The following DDI1 variants were observed in gnomAD, a reference collection of about 807,000 sequenced individuals.
DDI1 encodes protein DDI1 homolog 1.
Under a neutral mutation model 7.2 loss-of-function variants are expected in DDI1, and 6 were observed. That is an observed-to-expected ratio of 0.83 (90% CI 0.46 to 1.64). DDI1 has a LOEUF of 1.64. DDI1 is among the 40% of genes most tolerant of loss of function. The pLI is 0.01. For missense variants in DDI1, 502 were observed against 516.6 expected (o/e 0.97, Z 0.27); for synonymous variants, 221 against 201.7 (o/e 1.10, Z -0.81).
At position 104,036,757 on chromosome 11, in the gene DDI1, G is replaced by T; in HGVS notation, c.-66G>T. The T allele has an allele frequency of 7.5e-7, 1 of 1,326,316 alleles. No homozygotes were observed. Among genetic ancestry groups the T allele is most frequent in the Non-Finnish European group, 1.1e-6 (1 of 941,516 alleles). 82.2% of individuals were successfully genotyped at this position (1,326,316 alleles called of 1,614,324 possible). ...AGGAGCAGCGGCACCAACGACGCAG[G>T]CCCGCCCCAGCCCGCCAGTGAGCCG... On this transcript the variant is annotated 5_prime_UTR_variant, in exon 1 of 1. Coordinates refer to ENST00000302259, the MANE Select transcript of DDI1 (RefSeq NM_001001711.3).
chr11:104,038,193 TC>T lies in DDI1; in HGVS notation c.*182del. On this transcript the variant is annotated 3_prime_UTR_variant, in exon 1 of 1. Coordinates refer to ENST00000302259, the MANE Select transcript of DDI1 (RefSeq NM_001001711.3). ...CTGATTCCTTGGTCTTGGTCCCTCTTCCATTTCCCTTGTCCAGAGATCACTG... is the reference window on the plus strand; with the variant it reads ...CTGATTCCTTGGTCTTGGTCCCTCTTCATTTCCCTTGTCCAGAGATCACTG... The T allele has an allele frequency of 3.1e-6, 2 of 654,792 alleles. No individual in the cohort carries two copies. The highest frequency in any genetic ancestry group is 4.3e-5 in the South Asian group (2 of 46,232). 40.6% of individuals were successfully genotyped at this position (654,792 alleles called of 1,614,324 possible). A position where few individuals can be genotyped will look rare whatever the true frequency, so the allele number is the denominator to read the frequency against.
rs1013907386 is a variant in DDI1, at chr11:104,036,678, C to T, written c.-145C>T. The T allele has an allele frequency of 7.5e-6, 5 of 669,846 alleles. No individual in the cohort carries two copies. The highest frequency in any genetic ancestry group is 1.8e-5 in the African/African-American group (1 of 55,532). The allele number at this position is 669,846 out of a possible 1,614,324, so 41.5% of individuals were successfully genotyped here. On this transcript the variant is annotated 5_prime_UTR_variant, in exon 1 of 1. Transcript: ENST00000302259. ...GACAGCCCCCAGACAGATGAGTGTC[C>T]GCGCCTCTCTGAGAGGTGAATGAGC...
Position 104,037,026 on chromosome 11 carries a change from T to C in DDI1, c.204T>C (p.Asp68=). 2.5e-6 allele frequency: 4 copies of C among 1,614,230 alleles called. No homozygotes were observed. Among genetic ancestry groups the C allele is most frequent in the Non-Finnish European group, 3.4e-6 (4 of 1,180,038 alleles). The change falls in exon 1 of 1, where the codon GAT becomes GAC. Residue 68 remains aspartate (D), a synonymous_variant. Transcript: ENST00000302259. ...CCCTGGGCTCCTACGGCCTCAAAGA[T>C]GGCGATATCGTGGTTTTACTGCAGA... The part of the protein sequence containing the change: ...HCSLGSYGLK[D]GDIVVLLQKD...
Position 104,037,692 on chromosome 11 carries a change from T to G in DDI1, c.870T>G (p.Ala290=). 1 of 1,614,152 alleles carries G rather than the reference T, an allele frequency of 6.2e-7. No individual in the cohort carries two copies. The highest frequency in any genetic ancestry group is 1.1e-5 in the South Asian group (1 of 91,074). The change falls in exon 1 of 1, where the codon GCT becomes GCG. Residue 290 remains alanine, a synonymous_variant. Coordinates refer to ENST00000302259, the MANE Select transcript of DDI1 (RefSeq NM_001001711.3). The part of the protein sequence containing the change: ...RLVDRRWAGV[A]KGVGTQRIIG... ...TGGACCGACGGTGGGCTGGGGTTGC[T>G]AAAGGAGTGGGCACACAGAGAATTA...
Position 104,036,670 on chromosome 11 carries a change from T to G in DDI1, c.-153T>G. The G allele has an allele frequency of 3.1e-6, 2 of 651,236 alleles. No homozygotes were observed. Among genetic ancestry groups the G allele is most frequent in the Non-Finnish European group, 5.4e-6 (2 of 371,544 alleles). The allele number at this position is 651,236 out of a possible 1,614,324, so 40.3% of individuals were successfully genotyped here. On this transcript the variant is annotated 5_prime_UTR_variant, in exon 1 of 1. The change abolishes an upstream ATG in the 5' untranslated region. Transcript: ENST00000302259. ...GGCTGGGAGACAGCCCCCAGACAGA[T>G]GAGTGTCCGCGCCTCTCTGAGAGGT...
Position 104,036,648 on chromosome 11 carries a change from T to A in DDI1, c.-175T>A. On this transcript the variant is annotated 5_prime_UTR_variant, in exon 1 of 1. Coordinates refer to ENST00000302259, the MANE Select transcript of DDI1 (RefSeq NM_001001711.3). ...CTGGCCACACAGCAGGCACTGAGGC[T>A]GGGAGACAGCCCCCAGACAGATGAG... is the stretch of plus-strand genomic sequence containing the variant. 1.6e-6 allele frequency: 1 copy of A among 616,032 alleles called. No individual in the cohort carries two copies. 38.2% of individuals were successfully genotyped at this position (616,032 alleles called of 1,614,324 possible). A position where few individuals can be genotyped will look rare whatever the true frequency, so the allele number is the denominator to read the frequency against.
In DDI1 at chr11:104,038,588, T is replaced by A. The variant is rs933872967; in HGVS notation, c.*575T>A. 1.2e-5 allele frequency: 2 copies of A among 167,190 alleles called. No individual in the cohort carries two copies. Among genetic ancestry groups the A allele is most frequent in the Non-Finnish European group, 2.9e-5 (2 of 68,264 alleles). 10.4% of individuals were successfully genotyped at this position (167,190 alleles called of 1,614,324 possible). ...GACCAATTTCCTCATATTTACACCT[T>A]CCCTTCCCCTGGATCCCCTGCAGTC... On this transcript the variant is annotated 3_prime_UTR_variant, in exon 1 of 1. Transcript: ENST00000302259.
rs1013354964 is a variant in DDI1, at chr11:104,037,557, C to A, written c.735C>A (p.Tyr245Ter). Residue 245 changes from tyrosine (Y) to a stop codon, truncating the protein, a stop_gained, in exon 1 of 1, where the codon TAC (tyrosine) becomes TAA (stop). Transcript: ENST00000302259. LOFTEE classifies it high-confidence loss of function. Reference protein sequence around the residue: ...PESFGQVTMLYINCKVNGHPL... With the variant: ...PESFGQVTML ...GTTTTGGACAAGTGACGATGCTCTA[C>A]ATTAACTGCAAAGTGAATGGGCATC... 5.0e-6 allele frequency: 8 copies of A among 1,614,010 alleles called. No individual in the cohort carries two copies. Among genetic ancestry groups the A allele is most frequent in the Non-Finnish European group, 6.8e-6 (8 of 1,180,012 alleles).
rs917484913 is a variant in DDI1, at chr11:104,038,251, A to T, written c.*238A>T. The T allele has an allele frequency of 4.2e-6, 2 of 476,900 alleles. No homozygotes were observed. Among genetic ancestry groups the T allele is most frequent in the Non-Finnish European group, 3.8e-6 (1 of 261,460 alleles). The allele number at this position is 476,900 out of a possible 1,614,324, so 29.5% of individuals were successfully genotyped here. Reference sequence around the variant, plus strand: ...ATCCTGGGAAGGCTCTGGAGGCTCCAGCTGATTTCCAGATAATCCATGAAA... The same window carrying T: ...ATCCTGGGAAGGCTCTGGAGGCTCCTGCTGATTTCCAGATAATCCATGAAA... On this transcript the variant is annotated 3_prime_UTR_variant, in exon 1 of 1. Transcript: ENST00000302259.
Position 104,037,182 on chromosome 11 carries a change from C to A in DDI1, c.360C>A (p.Pro120=), listed in dbSNP as rs371991540. 3 of 1,613,504 alleles carry A rather than the reference C, an allele frequency of 1.9e-6. No individual in the cohort carries two copies. In the African/African-American group the frequency reaches 4.0e-5, roughly 22 times the overall value. The part of the protein sequence containing the change: ...QHPGQQQQRT[P]AAQRSQGLAS... ...CTGGACAGCAGCAGCAGCGCACACC[C>A]GCTGCCCAGCGGTCACAGGGCTTGG... Residue 120 remains proline (P), a synonymous_variant, in exon 1 of 1, where the codon CCC becomes CCA. Transcript: ENST00000302259.
In DDI1 at chr11:104,039,107, T is replaced by C. The variant is rs1860304497; in HGVS notation, c.*1094T>C. ...TGGCTAAAGCACCTGAGAGAAAAGT[T>C]TCAGCTTCCTGAGGCCATCAGATGC... On this transcript the variant is annotated 3_prime_UTR_variant, in exon 1 of 1. Transcript: ENST00000302259. 6.0e-6 allele frequency: 1 copy of C among 167,062 alleles called. No homozygotes were observed. The highest frequency in any genetic ancestry group is 2.4e-5 in the African/African-American group (1 of 41,440). The allele number at this position is 167,062 out of a possible 1,614,324, so 10.3% of individuals were successfully genotyped here. A position where few individuals can be genotyped will look rare whatever the true frequency, so the allele number is the denominator to read the frequency against.
chr11:104,036,893 A>C lies in DDI1; in HGVS notation c.71A>C (p.Asp24Ala). ...ACCTTCTCTCTCCAGGTCAGCCCCG[A>C]CTTTGAGCTCCGAAACTTCAAGGTC... ...EVTFSLQVSP[D>A]FELRNFKVLC... Residue 24 changes from aspartate (D) to alanine (A), a missense_variant, in exon 1 of 1, where the codon GAC becomes GCC. Coordinates refer to ENST00000302259, the MANE Select transcript of DDI1 (RefSeq NM_001001711.3). 1 of 1,613,986 alleles carries C rather than the reference A, an allele frequency of 6.2e-7. No homozygotes were observed. The highest frequency in any genetic ancestry group is 8.5e-7 in the Non-Finnish European group (1 of 1,180,000).
rs1860285053 is a variant in DDI1 at position 104,038,115 on chromosome 11, C to A, written c.*102C>A. On this transcript the variant is annotated 3_prime_UTR_variant, in exon 1 of 1. Transcript: ENST00000302259. ...TGTAATCATTAAAAAACATCAGTAA[C>A]AACTAAACCTGGCCTTGGGACTACG... is the stretch of plus-strand genomic sequence containing the variant. The A allele has an allele frequency of 2.5e-6, 3 of 1,213,866 alleles. No homozygotes were observed. Among genetic ancestry groups the A allele is most frequent in the Non-Finnish European group, 3.4e-6 (3 of 877,236 alleles). The allele number at this position is 1,213,866 out of a possible 1,614,324, so 75.2% of individuals were successfully genotyped here.
rs1860302073 is a variant in DDI1 at position 104,038,959 on chromosome 11, A to G, written c.*946A>G. On this transcript the variant is annotated 3_prime_UTR_variant, in exon 1 of 1. Transcript: ENST00000302259. ...CAAAGGTTTTCACTGTTAAAATAAC[A>G]TTTGAAAACTTTTGAATGAGAAGAT... 6.0e-6 allele frequency: 1 copy of G among 167,096 alleles called. No individual in the cohort carries two copies. Among genetic ancestry groups the G allele is most frequent in the East Asian group, 1.9e-4 (1 of 5,196 alleles). The allele number at this position is 167,096 out of a possible 1,614,324, so 10.4% of individuals were successfully genotyped here. A position where few individuals can be genotyped will look rare whatever the true frequency, so the allele number is the denominator to read the frequency against.
chr11:104,036,974 A>C lies in DDI1; in HGVS notation c.152A>C (p.Glu51Ala), dbSNP rs761842739. ...GAAGAGATCCAGATCATCCACATGG[A>C]GCGACTCCTCATCGAGGACCACTGT... is the stretch of plus-strand genomic sequence containing the variant. ...PVEEIQIIHM[E>A]RLLIEDHCSL... The change falls in exon 1 of 1, where the codon GAG becomes GCG. Residue 51 changes from glutamate to alanine, a missense_variant. Glu to Ala is a moderately radical substitution (Grantham distance 107). Coordinates refer to ENST00000302259, the MANE Select transcript of DDI1 (RefSeq NM_001001711.3). 1.2e-6 allele frequency: 2 copies of C among 1,614,074 alleles called. No individual in the cohort carries two copies. The highest frequency in any genetic ancestry group is 2.7e-5 in the African/African-American group (2 of 74,932).
Position 104,038,070 on chromosome 11 carries a change from A to G in DDI1, c.*57A>G. On this transcript the variant is annotated 3_prime_UTR_variant, in exon 1 of 1. Coordinates refer to ENST00000302259, the MANE Select transcript of DDI1 (RefSeq NM_001001711.3). Reference sequence around the variant, plus strand: ...GAGCCTCAGGTCCCCGGCAATTATAAGTTAAGAGCTTACTGGCAATGTAAT... The same window carrying G: ...GAGCCTCAGGTCCCCGGCAATTATAGGTTAAGAGCTTACTGGCAATGTAAT... The G allele has an allele frequency of 6.7e-7, 1 of 1,497,020 alleles. No individual in the cohort carries two copies. The highest frequency in any genetic ancestry group is 9.0e-7 in the Non-Finnish European group (1 of 1,109,550). The allele number at this position is 1,497,020 out of a possible 1,614,324, so 92.7% of individuals were successfully genotyped here.
At position 104,036,819 on chromosome 11, in the gene DDI1, C is replaced by CG. The variant is rs1451172626; in HGVS notation, c.-3dup. ...TGCTAGCCCGGCCCGCCCGGGCCCCCGCCATGCTGATCACCGTGTACTGCG... is the reference window on the plus strand; with the variant it reads ...TGCTAGCCCGGCCCGCCCGGGCCCCCGGCCATGCTGATCACCGTGTACTGCG... On this transcript the variant is annotated 5_prime_UTR_variant, in exon 1 of 1. Coordinates refer to ENST00000302259, the MANE Select transcript of DDI1 (RefSeq NM_001001711.3). 3.1e-6 allele frequency: 5 copies of CG among 1,611,242 alleles called. No homozygotes were observed. Among genetic ancestry groups the CG allele is most frequent in the Non-Finnish European group, 4.2e-6 (5 of 1,178,174 alleles).
Position 104,037,604 on chromosome 11 carries a change from C to A in DDI1, c.782C>A (p.Ser261Ter), listed in dbSNP as rs1212172543. The change falls in exon 1 of 1, where the codon TCG (serine) becomes TAG (stop). Residue 261 changes from serine (S) to a stop codon, truncating the protein, a stop_gained. Transcript: ENST00000302259. LOFTEE classifies it high-confidence loss of function. The part of the protein sequence containing the change: ...NGHPLKAFVD[S>*]GAQMTIMSQA... Reference sequence around the variant, plus strand: ...CATCCTTTGAAGGCTTTTGTTGACTCGGGCGCCCAGATGACCATTATGAGC... The same window carrying A: ...CATCCTTTGAAGGCTTTTGTTGACTAGGGCGCCCAGATGACCATTATGAGC... The A allele has an allele frequency of 2.5e-6, 4 of 1,614,026 alleles. No homozygotes were observed. Among genetic ancestry groups the A allele is most frequent in the Non-Finnish European group, 3.4e-6 (4 of 1,180,014 alleles).
Position 104,037,110 on chromosome 11 carries a change from C to A in DDI1, c.288C>A (p.Phe96Leu), listed in dbSNP as rs1187035868. The stretch of plus-strand genomic sequence containing the variant: ...CCCCGAACCAGCCTCGTGTAGACTT[C>A]AGTGGCATTGCGGTGCCTGGGACGT... ...GRAPNQPRVD[F>L]SGIAVPGTSS... is the part of the protein sequence containing the mutation. Residue 96 changes from phenylalanine (F) to leucine (L), a missense_variant, in exon 1 of 1, where the codon TTC becomes TTA. Physicochemically the swap from Phe to Leu is conservative, Grantham distance 22. Coordinates refer to ENST00000302259, the MANE Select transcript of DDI1 (RefSeq NM_001001711.3). The A allele has an allele frequency of 6.2e-7, 1 of 1,614,166 alleles. No homozygotes were observed. Among genetic ancestry groups the A allele is most frequent in the Admixed American group, 1.7e-5 (1 of 60,032 alleles).
Sources: gnomAD v4.1 joint callset for allele counts on GRCh38, gnomAD v4.1.1 for gene constraint, MANE v1.5 for transcripts, NCBI Gene and HGNC (gene_info 2026-07-23, HGNC 2026-07-21) for gene names.